ADAM7: variants seen among roughly 807,000 people sequenced by gnomAD.
The protein encoded by ADAM7 is ADAM metallopeptidase domain 7, also known as disintegrin and metalloproteinase domain-containing protein 7.
A neutral mutation model predicts 102.9 loss-of-function variants in ADAM7; 97 were observed. The observed-to-expected ratio is 0.94, with a 90% CI of 0.80 to 1.12. The LOEUF is 1.12. Ranked by LOEUF, ADAM7 falls within the 50% of genes most tolerant of loss-of-function variation. The pLI is 0.00. For synonymous variants in ADAM7, 334 were observed against 304.4 expected (o/e 1.10, Z -1.01); for missense variants, 991 against 908.7 (o/e 1.09, Z -1.16).
At chr8:24,448,041 A>C (rs1044369110) in intron 3 of ADAM7, among the ~76,000 whole-genome samples, 1 of 151,952 alleles carries the variant, frequency 6.6e-6, no homozygotes, top group Non-Finnish European at 1.5e-5. Context: ...CCGAATAATA[A>C]ACATAATCCC....
intron 16 of ADAM7, among the ~76,000 whole-genome samples, chr8:24,498,598 C>A (rs763827793): frequency 2.0e-4 from 30 of 151,158 alleles, no homozygotes; most frequent in Admixed American, 9.2e-4. Context: ...GTATTAAGTT[C>A]TCCCTACAGA....
intron 20 of ADAM7, among the ~76,000 whole-genome samples, chr8:24,506,877 C>A (rs973672825): frequency 6.6e-6 from 1 of 152,002 alleles, no homozygotes; most frequent in Non-Finnish European, 1.5e-5. Context: ...CAGTAGAGCA[C>A]CTCTTACTCA....
chr8:24,456,477 T>C (rs1819038109), intron 3 of ADAM7, among the ~76,000 whole-genome samples: 2 of 152,156 alleles, frequency 1.3e-5, no homozygotes. Flanking sequence ...TCCAAATCTT[T>C]TACGTAAACA....
intron 5 of ADAM7, among the ~76,000 whole-genome samples, chr8:24,466,200 T>C (rs1563380672): frequency 6.6e-6 from 1 of 152,198 alleles, no homozygotes; most frequent in East Asian, 1.9e-4. Flanking sequence ...TTTAGCTTTT[T>C]ACTAAATTGA....
chr8:24,446,159 G>A (rs762491549), intron 2 of ADAM7, among the ~76,000 whole-genome samples: 6 of 152,130 alleles, frequency 3.9e-5, no homozygotes, highest in Admixed American at 6.5e-5. Context: ...ACCAACAACT[G>A]TGAATCTTAA....
intron 21 of ADAM7, 25 bp downstream of exon 21, chr8:24,507,560 C>T (rs992325666): frequency 1.9e-6 from 3 of 1,580,968 alleles, no homozygotes; most frequent in Non-Finnish European, 2.6e-6. Context: ...CAGATAGTAC[C>T]TCCCTTTTTT....
At chr8:24,495,747 T>C (rs1320290185) in intron 16 of ADAM7, among the ~76,000 whole-genome samples, 4 of 152,126 alleles carry the variant, frequency 2.6e-5, no homozygotes, top group Non-Finnish European at 5.9e-5. Flanking sequence ...GGGTATCTGG[T>C]GGAAGAAATT....
intron 20 of ADAM7, chr8:24,506,277 C>A: frequency 1.2e-6 from 1 of 800,952 alleles, no homozygotes. Flanking sequence ...CGATAGCTCT[C>A]TGATCGGAGG....
At chr8:24,460,461 A>G (rs1563378146) in intron 3 of ADAM7, among the ~76,000 whole-genome samples, 1 of 151,880 alleles carries the variant, frequency 6.6e-6, no homozygotes, top group African/African-American at 2.4e-5. Flanking sequence ...CTCCTCTGTT[A>G]CTATCCTTTT....
intron 20 of ADAM7, among the ~76,000 whole-genome samples, chr8:24,506,456 AT>A (rs1220586521): frequency 1.3e-5 from 2 of 152,208 alleles, no homozygotes; most frequent in East Asian, 3.9e-4. Context: ...TTGCAAATTA[AT>A]TTTGATATTT....
rs771577633 is a variant in ADAM7, at chr8:24,441,201, G to C, written c.52+41G>C. 2.6e-5 allele frequency: 41 copies of C among 1,558,088 alleles called. No individual in the cohort carries two copies. The South Asian group carries it at 4.6e-4, about 17-fold the overall frequency. On this transcript the variant is annotated intron_variant, in intron 1 of 21. Coordinates refer to ENST00000175238, the MANE Select transcript of ADAM7 (RefSeq NM_003817.4). The stretch of plus-strand genomic sequence containing the variant: ...TTTATCAGGACTTTCTTATTATGCT[G>C]TGAGGTTGTGTCTCTTTAGTCACAA...
At chr8:24,465,642 G>A in intron 4 of ADAM7, 57 bp from the exon 5 acceptor site, 2 of 1,000,142 alleles carry the variant, frequency 2.0e-6, no homozygotes, top group Non-Finnish European at 1.4e-6. Flanking sequence ...TTAGATATTA[G>A]TATCTATATA....
At chr8:24,450,262 T>C (rs1042362210) in intron 3 of ADAM7, among the ~76,000 whole-genome samples, 2 of 152,224 alleles carry the variant, frequency 1.3e-5, no homozygotes, top group Admixed American at 6.5e-5. Context: ...TTTCACGATA[T>C]TGATTCTTCC....
chr8:24,502,905 AG>A (rs1305147306), intron 20 of ADAM7, among the ~76,000 whole-genome samples: 2 of 83,970 alleles, frequency 2.4e-5, no homozygotes, highest in Non-Finnish European at 4.9e-5. Context: ...TACCTATAAA[AG>A]TCATTACAAG....
chr8:24,509,332 T>G lies in ADAM7; in HGVS notation c.*786T>G, dbSNP rs1821043187. 1 of 985,362 alleles carries G rather than the reference T, an allele frequency of 1.0e-6. No homozygotes were observed. Among genetic ancestry groups the G allele is most frequent in the African/African-American group, 1.7e-5 (1 of 57,246 alleles). The allele number at this position is 985,362 out of a possible 1,614,324, so 61.0% of individuals were successfully genotyped here. On this transcript the variant is annotated 3_prime_UTR_variant, in exon 22 of 22. Transcript: ENST00000175238. ...CAATGTGCCATTTCTGTGCTGTCTC[T>G]GCCCTCTCCCTATCCGTTTGTTATG...
At chr8:24,506,204 A>G in intron 20 of ADAM7, 1 of 1,380,266 alleles carries the variant, frequency 7.2e-7, no homozygotes, top group South Asian at 1.3e-5. Flanking sequence ...GTCCTTTCCA[A>G]TAATAATTTT....
At chr8:24,482,366 A>G in intron 9 of ADAM7, 55 bp downstream of exon 9, 4 of 1,515,752 alleles carry the variant, frequency 2.6e-6, no homozygotes, top group Non-Finnish European at 3.5e-6. Flanking sequence ...ACAAAAGAAA[A>G]CAAAAAAAAA....
chr8:24,472,593 C>T (rs1404263795), intron 7 of ADAM7, among the ~76,000 whole-genome samples: 1 of 151,780 alleles, frequency 6.6e-6, no homozygotes, highest in Non-Finnish European at 1.5e-5. Context: ...TTATTAGATA[C>T]AGGTAGCATA....
chr8:24,485,904 G>T (rs577633152), intron 10 of ADAM7, among the ~76,000 whole-genome samples: 6 of 152,078 alleles, frequency 3.9e-5, no homozygotes, highest in East Asian at 1.9e-4. Context: ...AAACACGAAG[G>T]TTTCTATTTA....
Sources: allele counts gnomAD v4.1 joint callset (sites outside exome capture counted in the v4.1 genomes callset), GRCh38; gene constraint gnomAD v4.1.1; transcripts MANE v1.5; gene names NCBI Gene and HGNC (gene_info 2026-07-23, HGNC 2026-07-21).